Variants in CATSPERB observed in about 807,000 individuals in gnomAD.
CATSPERB encodes cation channel sperm-associated auxiliary subunit beta.
CATSPERB carries 93 observed loss-of-function variants against 128.3 expected under a neutral mutation model. The observed-to-expected ratio is 0.72, with a 90% CI of 0.61 to 0.86. The LOEUF (loss-of-function observed/expected upper bound fraction) is 0.86. Ranked by LOEUF, CATSPERB falls within the 40% of genes least tolerant of loss-of-function variation. The pLI, the probability that CATSPERB is intolerant of heterozygous loss-of-function variation, is 0.00. For synonymous variants in CATSPERB, 381 were observed against 448.8 expected (o/e 0.85, Z 1.91); for missense variants, 1,153 against 1,329.5 (o/e 0.87, Z 2.06).
chr14:91,636,715 CG>C (rs3841481), intron 16 of CATSPERB, 136 bp from the exon 17 acceptor site: 123,647 of 760,036 alleles, frequency 0.16, 11,318 homozygotes, highest in Admixed American at 0.31. Flanking sequence ...AATAAGTCAA[CG>C]TGTTCTGTTG....
chr14:91,620,048 T>A (rs1195896629), intron 19 of CATSPERB, among the ~76,000 whole-genome samples: 2 of 152,068 alleles, frequency 1.3e-5, no homozygotes, highest in Non-Finnish European at 2.9e-5. Flanking sequence ...TACAGAGTTT[T>A]GTGCTTCCTT....
intron 17 of CATSPERB, among the ~76,000 whole-genome samples, chr14:91,634,276 A>T (rs1342388838): frequency 6.6e-6 from 1 of 152,192 alleles, no homozygotes; most frequent in Non-Finnish European, 1.5e-5. Context: ...CATCATAAAG[A>T]TCTTCATCCT....
chr14:91,623,374 C>T (rs1029214191), intron 18 of CATSPERB, among the ~76,000 whole-genome samples: 1 of 152,188 alleles, frequency 6.6e-6, no homozygotes, highest in African/African-American at 2.4e-5. Context: ...TTTAATGATT[C>T]TCCTCCATCT....
intron 15 of CATSPERB, among the ~76,000 whole-genome samples, chr14:91,653,709 C>T (rs1894744992): frequency 6.6e-6 from 1 of 152,144 alleles, no homozygotes; most frequent in African/African-American, 2.4e-5. Flanking sequence ...GATTTGATTA[C>T]CTCCCCCTGG....
intron 17 of CATSPERB, among the ~76,000 whole-genome samples, chr14:91,625,478 A>T (rs1157618514): frequency 6.6e-6 from 1 of 152,218 alleles, no homozygotes; most frequent in African/African-American, 2.4e-5. Flanking sequence ...AAATGTCAAT[A>T]AAAAAACTAA....
At chr14:91,657,197 A>G (rs1256597897) in intron 15 of CATSPERB, among the ~76,000 whole-genome samples, 1 of 152,128 alleles carries the variant, frequency 6.6e-6, no homozygotes, top group East Asian at 1.9e-4. Flanking sequence ...AGATATTTGC[A>G]GAACATGTCA....
chr14:91,629,538 G>C (rs1894233972), intron 17 of CATSPERB, among the ~76,000 whole-genome samples: 1 of 152,170 alleles, frequency 6.6e-6, no homozygotes, highest in Admixed American at 6.5e-5. Flanking sequence ...TAAATGATGT[G>C]TCAATGTAGG....
chr14:91,608,259 A>T (rs753071709), intron 22 of CATSPERB, 35 bp downstream of exon 22: 1 of 1,270,950 alleles, frequency 7.9e-7, no homozygotes, highest in Non-Finnish European at 1.1e-6. Flanking sequence ...CTGAATTCAA[A>T]TAAGTGCTAG....
intron 11 of CATSPERB, among the ~76,000 whole-genome samples, chr14:91,675,107 T>C (rs1895169981): frequency 1.3e-5 from 2 of 152,224 alleles, no homozygotes; most frequent in African/African-American, 4.8e-5. Context: ...TGGTAGTCCC[T>C]TTAGGGAGTC....
chr14:91,723,265 G>T, intron 3 of CATSPERB, 76 bp from the exon 4 acceptor site: 1 of 1,128,188 alleles, frequency 8.9e-7, no homozygotes, highest in Non-Finnish European at 1.2e-6. Flanking sequence ...ATCTAAAAGT[G>T]ATTAGTAATT....
At chr14:91,666,300 C>T (rs911225208) in intron 14 of CATSPERB, among the ~76,000 whole-genome samples, 1 of 152,164 alleles carries the variant, frequency 6.6e-6, no homozygotes, top group African/African-American at 2.4e-5. Flanking sequence ...TTGGAATCAC[C>T]GGCTTTTGCC....
intron 5 of CATSPERB, among the ~76,000 whole-genome samples, chr14:91,718,171 GAGTT>G (rs1459913366): frequency 9.2e-5 from 14 of 152,246 alleles, no homozygotes; most frequent in African/African-American, 2.6e-4. Flanking sequence ...ATATTAATAA[GAGTT>G]AGGCTACATC....
intron 20 of CATSPERB, among the ~76,000 whole-genome samples, chr14:91,616,218 T>C (rs1246649603): frequency 6.6e-6 from 1 of 152,180 alleles, no homozygotes; most frequent in Non-Finnish European, 1.5e-5. Flanking sequence ...TAATTTACAT[T>C]CTCAGCAACC....
intron 5 of CATSPERB, among the ~76,000 whole-genome samples, chr14:91,718,843 A>G (rs1895984105): frequency 6.6e-6 from 1 of 152,188 alleles, no homozygotes; most frequent in African/African-American, 2.4e-5. Context: ...GTTTTGTTTA[A>G]CGCACCTATC....
In CATSPERB at chr14:91,677,963, C is replaced by T. The variant is rs74786331; in HGVS notation, c.932-3741G>A. Among the ~76,000 whole-genome samples, 1,057 of 152,224 alleles carry T rather than the reference C, an allele frequency of 6.9e-3. 15 individuals carry two copies. The highest frequency in any genetic ancestry group is 0.023 in the African/African-American group (959 of 41,526). On this transcript the variant is annotated intron_variant, in intron 11 of 26. Transcript: ENST00000256343. ...GCTGGAAGCCATAATCCTCAGCAAA[C>T]TAACACAGGAACAGAAGAAAACCAA...
chr14:91,610,391 A>T, intron 21 of CATSPERB, 89 bp downstream of exon 21: 1 of 1,024,564 alleles, frequency 9.8e-7, no homozygotes, highest in Non-Finnish European at 1.4e-6. Flanking sequence ...CACTCACAAA[A>T]GAAATGCTGA....
In CATSPERB at chr14:91,580,877, A is replaced by G. The variant is rs1179623760; in HGVS notation, c.*12T>C. 1 of 1,600,696 alleles carries G rather than the reference A, an allele frequency of 6.2e-7. No individual in the cohort carries two copies. Among genetic ancestry groups the G allele is most frequent in the Non-Finnish European group, 8.6e-7 (1 of 1,169,350 alleles). ...AACTAGAAAATAAAGAGAAATTATG[A>G]TCACCATGTGTTCACTCTTCAGACT... On this transcript the variant is annotated 3_prime_UTR_variant, in exon 27 of 27. Transcript: ENST00000256343.
intron 14 of CATSPERB, among the ~76,000 whole-genome samples, chr14:91,669,166 C>G (rs1180068973): frequency 6.6e-6 from 1 of 152,184 alleles, no homozygotes; most frequent in Admixed American, 6.6e-5. Context: ...AGGGTATCAT[C>G]TTTAAAATCT....
chr14:91,651,347 T>C (rs1278661611), intron 15 of CATSPERB, among the ~76,000 whole-genome samples: 5 of 152,212 alleles, frequency 3.3e-5, no homozygotes, highest in Non-Finnish European at 5.9e-5. Context: ...ATGCCATCTA[T>C]CTATCTTATC....
Sources: gnomAD v4.1 joint callset for allele counts (sites outside exome capture counted in the v4.1 genomes callset) on GRCh38, gnomAD v4.1.1 for gene constraint, MANE v1.5 for transcripts, NCBI Gene and HGNC (gene_info 2026-07-23, HGNC 2026-07-21) for gene names.